Variants in CBFA2T3 observed in about 807,000 individuals in gnomAD.
CBFA2T3 encodes transcriptional corepressor CBFA2T3.
CBFA2T3 carries 31 observed loss-of-function variants against 58.6 expected under a neutral mutation model. The observed-to-expected ratio is 0.53, with a 90% CI of 0.40 to 0.71. The LOEUF is 0.71. CBFA2T3 is among the 30% of genes least tolerant of loss of function. CBFA2T3 has a pLI of 0.00. For synonymous variants in CBFA2T3, 531 were observed against 421.9 expected (o/e 1.26, Z -3.17); for missense variants, 1,076 against 963.1 (o/e 1.12, Z -1.55).
chr16:88,925,684 CTTCAGGG>C (rs1313291793), intron 1 of CBFA2T3, among the ~76,000 whole-genome samples: 2 of 152,192 alleles, frequency 1.3e-5, no homozygotes, highest in African/African-American at 2.4e-5. Flanking sequence ...CTTCTAGTTT[CTTCAGGG>C]GCCGTCCCTC....
chr16:88,905,012 A>G (rs1970252212), intron 1 of CBFA2T3, among the ~76,000 whole-genome samples: 1 of 152,100 alleles, frequency 6.6e-6, no homozygotes, highest in Non-Finnish European at 1.5e-5. Flanking sequence ...GAAAGCAGAA[A>G]GTGACAAGGA....
intron 8 of CBFA2T3, chr16:88,881,744 C>T (rs1969092054): frequency 2.2e-6 from 1 of 461,668 alleles, no homozygotes; most frequent in East Asian, 3.4e-5. Flanking sequence ...TGGGATTCTC[C>T]TTTTTAACCC....
intron 1 of CBFA2T3, chr16:88,937,843 G>A (rs1283048785): frequency 2.0e-5 from 3 of 152,258 alleles, no homozygotes; most frequent in Admixed American, 6.5e-5. Context: ...GCCACCCTCC[G>A]GCATTGACAA....
At chr16:88,888,382 C>T (rs902722793) in intron 5 of CBFA2T3, among the ~76,000 whole-genome samples, 3 of 138,610 alleles carry the variant, frequency 2.2e-5, no homozygotes, top group African/African-American at 8.2e-5. Flanking sequence ...GGGGTCACTC[C>T]CACTCGGCAC....
intron 5 of CBFA2T3, among the ~76,000 whole-genome samples, chr16:88,890,916 G>A (rs550123381): frequency 4.6e-5 from 7 of 152,230 alleles, no homozygotes; most frequent in African/African-American, 1.4e-4. Flanking sequence ...GTCTAGCTGT[G>A]TTGCCCAGGC....
At chr16:88,922,221 C>T (rs1217674596) in intron 1 of CBFA2T3, among the ~76,000 whole-genome samples, 2 of 151,908 alleles carry the variant, frequency 1.3e-5, no homozygotes. Flanking sequence ...TGGAAAACAG[C>T]CCCCACAGAA....
intron 3 of CBFA2T3, among the ~76,000 whole-genome samples, chr16:88,897,092 C>T (rs1298929583): frequency 1.3e-5 from 2 of 152,236 alleles, no homozygotes; most frequent in Non-Finnish European, 2.9e-5. Context: ...GCGACAGAGG[C>T]ACCCTAACGC....
intron 5 of CBFA2T3, among the ~76,000 whole-genome samples, chr16:88,888,180 TC>T (rs1969459256): frequency 6.6e-6 from 1 of 151,796 alleles, no homozygotes; most frequent in Non-Finnish European, 1.5e-5. Flanking sequence ...GGGCTGGGGT[TC>T]CAGCCAAGCA....
chr16:88,878,477 C>T (rs1468511286), intron 11 of CBFA2T3, among the ~76,000 whole-genome samples: 1 of 152,354 alleles, frequency 6.6e-6, no homozygotes, highest in East Asian at 1.9e-4. Context: ...TCTTCGTGGA[C>T]AAGGCAGAAA....
In CBFA2T3 at chr16:88,976,833, C is replaced by T. The variant is rs779267392; in HGVS notation, c.-26G>A. The T allele has an allele frequency of 2.6e-5, 40 of 1,540,386 alleles. 1 individual carries two copies. The South Asian group carries it at 4.7e-4, about 18-fold the overall frequency. On this transcript the variant is annotated 5_prime_UTR_variant, in exon 1 of 12. Coordinates refer to ENST00000268679, the MANE Select transcript of CBFA2T3 (RefSeq NM_005187.6). ...GAGGAGGGCCACCCTCAGGGGCCAACCTGGAGCCCAGGACAGGCCTCTACC... is the reference window on the plus strand; with the variant it reads ...GAGGAGGGCCACCCTCAGGGGCCAATCTGGAGCCCAGGACAGGCCTCTACC...
chr16:88,947,359 G>A (rs543829812), intron 1 of CBFA2T3, among the ~76,000 whole-genome samples: 8 of 152,288 alleles, frequency 5.3e-5, no homozygotes, highest in South Asian at 2.1e-4. Flanking sequence ...CTTCTGCAGC[G>A]CCTGAATCTC....
chr16:88,951,897 C>T (rs995981109), intron 1 of CBFA2T3, among the ~76,000 whole-genome samples: 4 of 152,222 alleles, frequency 2.6e-5, no homozygotes, highest in African/African-American at 7.2e-5. Flanking sequence ...AACCGGTGCC[C>T]CTGCCCATCC....
At chr16:88,893,236 C>T (rs4081766) in intron 3 of CBFA2T3, among the ~76,000 whole-genome samples, 10 of 144,932 alleles carry the variant, frequency 6.9e-5, no homozygotes, top group Non-Finnish European at 1.1e-4. Flanking sequence ...CACACACAGG[C>T]GCCTCCCAGC....
chr16:88,886,037 TG>T lies in CBFA2T3; in HGVS notation c.816del (p.Ser273AlafsTer49). The T allele has an allele frequency of 6.3e-7, 1 of 1,576,050 alleles. No homozygotes were observed. On this transcript the variant is annotated frameshift_variant, in exon 6 of 12. Transcript: ENST00000268679. LOFTEE classifies it high-confidence loss of function. ...GAGGAGTCGATGGGGGAGGAGGCGCTGGCGTCCAGCAGGAGCTGCTCATGCT... is the reference window on the plus strand; with the variant it reads ...GAGGAGTCGATGGGGGAGGAGGCGCTGCGTCCAGCAGGAGCTGCTCATGCT... ...LAQHEQLLLD[A>X]SASSPIDSSE...
chr16:88,945,519 C>G (rs780218852), intron 1 of CBFA2T3, among the ~76,000 whole-genome samples: 30 of 152,170 alleles, frequency 2.0e-4, no homozygotes, highest in African/African-American at 7.2e-4. Context: ...GAATAGACAC[C>G]TCATCAGAGA....
chr16:88,894,724 G>GT (rs1196885867), intron 3 of CBFA2T3, among the ~76,000 whole-genome samples: 1 of 151,434 alleles, frequency 6.6e-6, no homozygotes, highest in Non-Finnish European at 1.5e-5. Flanking sequence ...GAGAGTGTGG[G>GT]TCTACGGGTG....
chr16:88,910,127 G>T (rs1397468816), intron 1 of CBFA2T3, among the ~76,000 whole-genome samples: 3 of 152,104 alleles, frequency 2.0e-5, no homozygotes, highest in East Asian at 1.9e-4. Context: ...ACCCGCCTGT[G>T]CTGTGCCTCG....
Position 88,885,126 on chromosome 16 carries a change from T to C in CBFA2T3, c.1037A>G (p.Asp346Gly), listed in dbSNP as rs769199782. The C allele has an allele frequency of 6.2e-7, 1 of 1,601,606 alleles. No individual in the cohort carries two copies. Among genetic ancestry groups the C allele is most frequent in the African/African-American group, 1.3e-5 (1 of 74,846 alleles). ...TCGGAAGTGGTGGGCCATGGCTATGTCCTCCAGGCGGTAGTGCGGCGGCGG... is the reference window on the plus strand; with the variant it reads ...TCGGAAGTGGTGGGCCATGGCTATGCCCTCCAGGCGGTAGTGCGGCGGCGG... The part of the protein sequence containing the change: ...PTPPPHYRLE[D>G]IAMAHHFRDA... The change falls in exon 7 of 12, where the codon GAC (aspartate) becomes GGC (glycine). Residue 346 changes from aspartate (D) to glycine (G), a missense_variant. By Grantham distance (94) the Asp-to-Gly change is moderately conservative. Coordinates refer to ENST00000268679, the MANE Select transcript of CBFA2T3 (RefSeq NM_005187.6). This position sits in a 1 kb window ranked among gnomAD's most constrained non-coding sequence, Gnocchi z 5.3.
At chr16:88,877,794 G>A (rs890380130) in intron 11 of CBFA2T3, among the ~76,000 whole-genome samples, 9 of 152,300 alleles carry the variant, frequency 5.9e-5, no homozygotes, top group African/African-American at 1.9e-4. Flanking sequence ...CAGAGGGGGT[G>A]GGGGATGCCA....
Sources: allele counts gnomAD v4.1 joint callset (sites outside exome capture counted in the v4.1 genomes callset), GRCh38; gene constraint gnomAD v4.1.1; non-coding constraint Gnocchi (gnomAD v3.1); transcripts MANE v1.5; gene names NCBI Gene and HGNC (gene_info 2026-07-23, HGNC 2026-07-21).